MAP3K13: variants seen among roughly 807,000 people sequenced by gnomAD.
MAP3K13 encodes mitogen-activated protein kinase kinase kinase 13.
MAP3K13 carries 52 observed loss-of-function variants against 104.0 expected under a neutral mutation model. The ratio of observed to expected loss-of-function variants is 0.50; its 90% CI spans 0.40 to 0.63. MAP3K13 has a LOEUF of 0.63. MAP3K13 is among the 20% of genes least tolerant of loss of function. The pLI, the probability that MAP3K13 is intolerant of heterozygous loss-of-function variation, is 0.00. For synonymous variants in MAP3K13, 394 were observed against 442.2 expected (o/e 0.89, Z 1.37); for missense variants, 914 against 1,218.5 (o/e 0.75, Z 3.72).
rs185167426 is a variant in MAP3K13 at position 185,348,886 on chromosome 3, C to A, written c.-86+63243C>A. 9.5e-4 allele frequency among the ~76,000 whole-genome samples: 144 copies of A among 152,258 alleles called. 2 individuals carry two copies. The South Asian group carries it at 0.022, about 23-fold the overall frequency. The stretch of plus-strand genomic sequence containing the variant: ...GAGCTGAGATCGCGGCACTGCACTG[C>A]AGCCTGGCAACAGAGCGAGACTCTG... On this transcript the variant is annotated intron_variant, in intron 2 of 14. Transcript: ENST00000424227.
intron 10 of MAP3K13, among the ~76,000 whole-genome samples, chr3:185,472,762 T>C (rs1008699492): frequency 1.3e-5 from 2 of 152,200 alleles, no homozygotes; most frequent in Non-Finnish European, 2.9e-5. Context: ...ATGAGTTTAT[T>C]TCCATGCAAA....
In MAP3K13 at chr3:185,285,703, A is replaced by G. The variant is rs1358029137; in HGVS notation, c.-86+60A>G. The G allele has an allele frequency of 2.2e-6, 3 of 1,334,898 alleles. No individual in the cohort carries two copies. The African/African-American group carries it at 4.3e-5, about 19-fold the overall frequency. 82.7% of individuals were successfully genotyped at this position (1,334,898 alleles called of 1,614,324 possible). A position where few individuals can be genotyped will look rare whatever the true frequency, so the allele number is the denominator to read the frequency against. On this transcript the variant is annotated intron_variant, in intron 2 of 14. Transcript: ENST00000424227. Reference sequence around the variant, plus strand: ...TGGTAGACCAATCTTAAATTTGCCTAGGAAATTATAGGATTGTAATTGAAA... The same window carrying G: ...TGGTAGACCAATCTTAAATTTGCCTGGGAAATTATAGGATTGTAATTGAAA...
chr3:185,373,311 C>T (rs1403877256), intron 1 of MAP3K13, among the ~76,000 whole-genome samples: 3 of 152,164 alleles, frequency 2.0e-5, no homozygotes, highest in Non-Finnish European at 4.4e-5. Context: ...CTCAGATTCT[C>T]CTATTTTTGT....
intron 1 of MAP3K13, among the ~76,000 whole-genome samples, chr3:185,410,691 T>G (rs550356182): frequency 5.3e-5 from 8 of 152,156 alleles, no homozygotes; most frequent in African/African-American, 1.9e-4. Flanking sequence ...TCCCAACACT[T>G]TGGGAGGCCG....
chr3:185,410,554 C>G (rs141660190), intron 1 of MAP3K13, among the ~76,000 whole-genome samples: 2 of 152,064 alleles, frequency 1.3e-5, no homozygotes, highest in Non-Finnish European at 2.9e-5. Context: ...TGCTAATTAC[C>G]CCAATCTGCT....
chr3:185,340,744 C>T (rs1461118794), intron 2 of MAP3K13, among the ~76,000 whole-genome samples: 1 of 152,052 alleles, frequency 6.6e-6, no homozygotes, highest in African/African-American at 2.4e-5. Flanking sequence ...GAGTAAGTCT[C>T]ACAAGATCTG....
rs1404194872 is a variant in MAP3K13, at chr3:185,454,683, GAT to G, written c.1278+3297_1278+3298del. 7.1e-3 allele frequency among the ~76,000 whole-genome samples: 488 copies of G among 68,750 alleles called. 113 individuals are homozygous for G. Among genetic ancestry groups the G allele is most frequent in the African/African-American group, 0.017 (327 of 19,210 alleles). The allele number at this position is 68,750 out of a possible 152,430, so 45.1% of individuals were successfully genotyped here. ...TATGATATATATGAGATATTTATAT[GAT>G]ATATATATGAGATATATATATCATA... is the stretch of plus-strand genomic sequence containing the variant. On this transcript the variant is annotated intron_variant, in intron 7 of 13. Coordinates refer to ENST00000265026, the MANE Select transcript of MAP3K13 (RefSeq NM_004721.5).
At chr3:185,388,386 C>T (rs1355845085) in intron 1 of MAP3K13, among the ~76,000 whole-genome samples, 1 of 151,974 alleles carries the variant, frequency 6.6e-6, no homozygotes, top group African/African-American at 2.4e-5. Context: ...CCTGTAGTTC[C>T]AGCTACTCGG....
In MAP3K13 at chr3:185,342,976, G is replaced by GT. The variant is rs202242306; in HGVS notation, c.-86+57341dup. Among the ~76,000 whole-genome samples the GT allele has an allele frequency of 5.5e-3, 839 of 152,038 alleles. 6 individuals are homozygous for GT. The highest frequency in any genetic ancestry group is 0.018 in the African/African-American group (753 of 41,474). ...TGTGGTTGTAGTACCGAGAACTACA[G>GT]TTTTTTTTATTTTGTTTTTTTCTCC... is the stretch of plus-strand genomic sequence containing the variant. On this transcript the variant is annotated intron_variant, in intron 2 of 14. Coordinates refer to the MAP3K13 transcript ENST00000424227.
intron 10 of MAP3K13, among the ~76,000 whole-genome samples, chr3:185,469,051 C>T (rs184123096): frequency 6.6e-6 from 1 of 152,312 alleles, no homozygotes; most frequent in East Asian, 1.9e-4. Context: ...AGGAAGGCAA[C>T]CTGCAAAGAG....
At chr3:185,320,625 G>A (rs573559436) in intron 2 of MAP3K13, among the ~76,000 whole-genome samples, 9 of 152,214 alleles carry the variant, frequency 5.9e-5, no homozygotes, top group South Asian at 2.1e-4. Flanking sequence ...TACCTCCACG[G>A]TTACCATTCT....
rs138480430 is a variant in MAP3K13, at chr3:185,468,695, G to A, written c.1643+1732G>A. 3.9e-3 allele frequency among the ~76,000 whole-genome samples: 587 copies of A among 152,298 alleles called. 2 individuals are homozygous for A. The highest frequency in any genetic ancestry group is 6.1e-3 in the Non-Finnish European group (414 of 68,024). ...GACTAATAGGTACCTAACTTCTAAC[G>A]AGTAACTACACGGACTAATTCCAAT... On this transcript the variant is annotated intron_variant, in intron 10 of 13. Coordinates refer to ENST00000265026, the MANE Select transcript of MAP3K13 (RefSeq NM_004721.5).
chr3:185,404,603 A>G (rs1445506522), intron 1 of MAP3K13, among the ~76,000 whole-genome samples: 1 of 152,090 alleles, frequency 6.6e-6, no homozygotes, highest in East Asian at 1.9e-4. Flanking sequence ...TCAAGATAGA[A>G]TCTTGCTCTG....
At chr3:185,308,690 A>G (rs1442204110) in intron 2 of MAP3K13, among the ~76,000 whole-genome samples, 1 of 152,180 alleles carries the variant, frequency 6.6e-6, no homozygotes, top group Non-Finnish European at 1.5e-5. Context: ...CTGGACAGTA[A>G]CCATTCCCTT....
rs1034402828 is a variant in MAP3K13, at chr3:185,423,992, T to C, written c.-85-4505T>C. ...TAGCATTGTTCCCATCTCTCTTGGC[T>C]CTGTAGAACGGAATATGGCTCACTT... On this transcript the variant is annotated intron_variant, in intron 1 of 13. Coordinates refer to ENST00000265026, the MANE Select transcript of MAP3K13 (RefSeq NM_004721.5). The surrounding 1 kb of genome is among the most constrained non-coding windows in gnomAD (Gnocchi z 4.1). 6.6e-6 allele frequency among the ~76,000 whole-genome samples: 1 copy of C among 152,184 alleles called. No homozygotes were observed. Among genetic ancestry groups the C allele is most frequent in the Non-Finnish European group, 1.5e-5 (1 of 68,044 alleles).
chr3:185,378,008 G>T (rs957411998), intron 1 of MAP3K13, among the ~76,000 whole-genome samples: 12 of 151,404 alleles, frequency 7.9e-5, no homozygotes, highest in Admixed American at 2.6e-4. Flanking sequence ...TCCTGGGGTG[G>T]GGGGAGGTTC....
At chr3:185,305,595 C>T (rs765702721) in intron 2 of MAP3K13, among the ~76,000 whole-genome samples, 9 of 151,982 alleles carry the variant, frequency 5.9e-5, no homozygotes, top group African/African-American at 7.3e-5. Flanking sequence ...GAGAGCTTTA[C>T]GTGTTTATAT....
chr3:185,473,810 C>A lies in MAP3K13; in HGVS notation c.2430+49C>A. The A allele has an allele frequency of 6.5e-7, 1 of 1,539,740 alleles. No individual in the cohort carries two copies. On this transcript the variant is annotated intron_variant, in intron 11 of 13. Transcript: ENST00000265026. The surrounding 1 kb of genome is among the most constrained non-coding windows in gnomAD (Gnocchi z 4.9). ...CCTGCGTCACTGCCTTCAAAGAATG[C>A]CAGAGCCTGTCATGTTATACACATT...
Position 185,473,476 on chromosome 3 carries a change from G to A in MAP3K13, c.2145G>A (p.Lys715=), listed in dbSNP as rs1198062430. The A allele has an allele frequency of 6.2e-6, 10 of 1,614,078 alleles. No individual in the cohort carries two copies. Among genetic ancestry groups the A allele is most frequent in the African/African-American group, 1.3e-5 (1 of 74,934 alleles). Residue 715 remains lysine, a synonymous_variant, in exon 11 of 14, where the codon AAG becomes AAA. Coordinates refer to ENST00000265026, the MANE Select transcript of MAP3K13 (RefSeq NM_004721.5). This position sits in a 1 kb window ranked among gnomAD's most constrained non-coding sequence, Gnocchi z 4.9. ...ADCWRSSEPD[K]GQAGPWGCCQ... ...GCTGGAGAAGTTCTGAGCCTGACAA[G>A]GGCCAAGCTGGTCCCTGGGGCTGTT...
Sources: allele counts gnomAD v4.1 joint callset (sites outside exome capture counted in the v4.1 genomes callset), GRCh38; gene constraint gnomAD v4.1.1; non-coding constraint Gnocchi (gnomAD v3.1); transcripts MANE v1.5; gene names NCBI Gene and HGNC (gene_info 2026-07-23, HGNC 2026-07-21).